DGKZ: variants seen among roughly 807,000 people sequenced by gnomAD.
DGKZ encodes the protein DAG kinase zeta.
DGKZ carries 45 observed loss-of-function variants against 142.5 expected under a neutral mutation model. The observed-to-expected ratio is 0.32, with a 90% confidence interval of 0.25 to 0.40. DGKZ has a LOEUF of 0.40. Among genes scored for constraint, DGKZ ranks in the 10% least tolerant of loss-of-function variants. DGKZ has a pLI of 1.00. For missense variants in DGKZ, 755 were observed against 1,306.5 expected (o/e 0.58, Z 6.51); for synonymous variants, 442 against 527.0 (o/e 0.84, Z 2.21).
At chr11:46,379,209 C>G (rs781146165) in exon 29 of DGKZ, 2 of 1,613,124 alleles carry the variant, frequency 1.2e-6, no homozygotes, top group South Asian at 2.2e-5. Flanking sequence ...CCAGCCCCCC[C>G]AGAGATCCTT....
intron 1 of DGKZ, among the ~76,000 whole-genome samples, chr11:46,341,363 G>C (rs1320039674): frequency 6.6e-6 from 1 of 152,226 alleles, no homozygotes; most frequent in Non-Finnish European, 1.5e-5. Flanking sequence ...AAAGTCAGAT[G>C]ATACAGGAAT....
chr11:46,337,196 G>A (rs1442317358), intron 1 of DGKZ, among the ~76,000 whole-genome samples: 1 of 150,242 alleles, frequency 6.7e-6, no homozygotes, highest in African/African-American at 2.4e-5. Flanking sequence ...GGTCTAAAAA[G>A]ATCAGTTCAA....
At chr11:46,365,815 C>T (rs368979174) in intron 1 of DGKZ, 1 of 985,480 alleles carries the variant, frequency 1.0e-6, no homozygotes. Flanking sequence ...ACCGTCCATC[C>T]AGGCAGACCG....
chr11:46,351,631 TG>T (rs1186017227), intron 1 of DGKZ, among the ~76,000 whole-genome samples: 12 of 152,186 alleles, frequency 7.9e-5, no homozygotes, highest in Admixed American at 1.3e-4. Flanking sequence ...TTGAGTGGTT[TG>T]TCTCACCTGG....
chr11:46,370,159 C>A, intron 6 of DGKZ, 150 bp downstream of exon 6: 2 of 930,094 alleles, frequency 2.2e-6, no homozygotes, highest in South Asian at 1.5e-5. Context: ...CTTCAGTTCT[C>A]AAGCACCCTG....
Position 46,372,696 on chromosome 11 carries a change from C to T in DGKZ, c.1071+19C>T. 6.2e-7 allele frequency: 1 copy of T among 1,612,744 alleles called. No individual in the cohort carries two copies. Among genetic ancestry groups the T allele is most frequent in the Non-Finnish European group, 8.5e-7 (1 of 1,179,660 alleles). On this transcript the variant is annotated intron_variant, in intron 12 of 30. Transcript: ENST00000527911. The surrounding 1 kb of genome is among the most constrained non-coding windows in gnomAD (Gnocchi z 5.9). The stretch of plus-strand genomic sequence containing the variant: ...CGGCACGGTGAGCTCCCCGCATGGG[C>T]CAGCCGAGCACCAGGGCTGGGCCTG...
chr11:46,348,487 C>T (rs902302060), intron 1 of DGKZ, among the ~76,000 whole-genome samples: 5 of 152,234 alleles, frequency 3.3e-5, no homozygotes, highest in African/African-American at 1.2e-4. Context: ...GCTAGGCAGG[C>T]AGCATGTCTC....
In DGKZ at chr11:46,366,110, A is replaced by ATGGGGCAGAGGCTGTGAATGGGCTCC; in HGVS notation, c.162-1177_162-1152dup. On this transcript the variant is annotated intron_variant, in intron 1 of 30. Transcript: ENST00000527911. ...TCCCTCAGGGGTTGCTTCCCTTCTC[A>ATGGGGCAGAGGCTGTGAATGGGCTCC]TGGGGCAGAGGCTGTGAATGGGCTC... The ATGGGGCAGAGGCTGTGAATGGGCTCC allele has an allele frequency of 5.8e-6, 8 of 1,387,154 alleles. No homozygotes were observed. The South Asian group carries it at 1.3e-4, about 23-fold the overall frequency. 85.9% of individuals were successfully genotyped at this position (1,387,154 alleles called of 1,614,324 possible).
chr11:46,349,496 A>G (rs1482214091), intron 1 of DGKZ, among the ~76,000 whole-genome samples: 1 of 152,238 alleles, frequency 6.6e-6, no homozygotes, highest in Non-Finnish European at 1.5e-5. Context: ...CCAGAGAACC[A>G]ACAGATACCT....
At chr11:46,334,710 C>G (rs756879867) in intron 1 of DGKZ, among the ~76,000 whole-genome samples, 1 of 152,172 alleles carries the variant, frequency 6.6e-6, no homozygotes, top group Non-Finnish European at 1.5e-5. Flanking sequence ...ACACCGGGCT[C>G]CATTACCAAG....
rs1280942377 is a variant in DGKZ at position 46,347,498 on chromosome 11, G to A, written c.-162G>A. ...GGAGCGGCGGCGGCAGCGGCTTCCC[G>A]GGCACCTGGGCGTGGGGAGCGGGGG... is the stretch of plus-strand genomic sequence containing the variant. On this transcript the variant is annotated 5_prime_UTR_variant, in exon 1 of 31. Transcript: ENST00000527911. This position sits in a 1 kb window ranked among gnomAD's most constrained non-coding sequence, Gnocchi z 6.4. 47 of 982,404 alleles carry A rather than the reference G, an allele frequency of 4.8e-5. No individual in the cohort carries two copies. The East Asian group carries it at 4.8e-3, about 100-fold the overall frequency. The allele number at this position is 982,404 out of a possible 1,614,324, so 60.9% of individuals were successfully genotyped here. A position where few individuals can be genotyped will look rare whatever the true frequency, so the allele number is the denominator to read the frequency against.
intron 1 of DGKZ, among the ~76,000 whole-genome samples, chr11:46,364,033 C>T (rs907190462): frequency 3.3e-5 from 5 of 152,222 alleles, no homozygotes; most frequent in African/African-American, 1.2e-4. Context: ...GAGGATTACA[C>T]GAGATGATAA....
chr11:46,333,453 C>G lies in DGKZ; in HGVS notation c.178C>G (p.Arg60Gly). The G allele has an allele frequency of 6.5e-7, 1 of 1,536,804 alleles. No individual in the cohort carries two copies. Among genetic ancestry groups the G allele is most frequent in the Non-Finnish European group, 8.8e-7 (1 of 1,142,208 alleles). Reference sequence around the variant, plus strand: ...TGGGCCCCCGGTGGAGGAGCGTTTCCGCCAGCTGCACCTACGAAAGCAGGT... The same window carrying G: ...TGGGCCCCCGGTGGAGGAGCGTTTCGGCCAGCTGCACCTACGAAAGCAGGT... Residue 60 changes from arginine to glycine, a missense_variant, in exon 1 of 31, where the codon CGC (arginine) becomes GGC (glycine). Coordinates refer to the DGKZ transcript ENST00000343674.
intron 25 of DGKZ, chr11:46,377,490 C>A (rs1022553746): frequency 4.1e-6 from 2 of 492,148 alleles, no homozygotes; most frequent in African/African-American, 4.0e-5. Flanking sequence ...CTCCTCCCCA[C>A]CCCTACTGCC....
intron 25 of DGKZ, chr11:46,377,467 C>A: frequency 1.7e-6 from 1 of 593,560 alleles, no homozygotes; most frequent in Non-Finnish European, 2.7e-6. Flanking sequence ...CCCCCGGACC[C>A]ACCACCTGAG....
chr11:46,377,171 C>T (rs760264836), exon 25 of DGKZ: 1 of 1,608,390 alleles, frequency 6.2e-7, no homozygotes, highest in East Asian at 2.2e-5. Context: ...TCCCAACCCC[C>T]ACTTCCCCTC....
At chr11:46,333,390 G>C in exon 1 of DGKZ, 1 of 1,439,738 alleles carries the variant, frequency 6.9e-7, no homozygotes, top group South Asian at 1.4e-5. Context: ...GGCCCAGGTC[G>C]CGCAGCCCTG....
At chr11:46,360,460 C>G (rs1335635735) in intron 1 of DGKZ, among the ~76,000 whole-genome samples, 1 of 141,666 alleles carries the variant, frequency 7.1e-6, no homozygotes, top group Non-Finnish European at 1.5e-5. Context: ...CCAGGGAGGG[C>G]GTGGAAGCTC....
upstream of DGKZ, chr11:46,347,423 G>A (rs1346062433): frequency 1.0e-6 from 1 of 982,444 alleles, no homozygotes; most frequent in Middle Eastern, 5.2e-4. This position sits in a 1 kb window ranked among gnomAD's most constrained non-coding sequence, Gnocchi z 6.4. Flanking sequence ...GGCAGGCAGC[G>A]GCCCGGCCAG....
Sources: gnomAD v4.1 joint callset for allele counts (sites outside exome capture counted in the v4.1 genomes callset) on GRCh38, gnomAD v4.1.1 for gene constraint, Gnocchi (gnomAD v3.1) non-coding constraint, MANE v1.5 for transcripts, NCBI Gene and HGNC (gene_info 2026-07-23, HGNC 2026-07-21) for gene names.